ABCA6: variants seen among roughly 807,000 people sequenced by gnomAD.
The protein encoded by ABCA6 is ATP-binding cassette sub-family A member 6.
In ABCA6, 164 loss-of-function variants were observed where a neutral mutation model predicts 191.2. The ratio of observed to expected loss-of-function variants is 0.86; its 90% CI spans 0.76 to 0.98. ABCA6 has a LOEUF of 0.98. ABCA6 is among the 50% of genes least tolerant of loss of function. The probability of loss-of-function intolerance (pLI) is 0.00; values close to 1 mark genes in which losing one functional copy is unlikely to be tolerated. For synonymous variants in ABCA6, 636 were observed against 647.7 expected, an observed-to-expected ratio of 0.98 and a Z score of 0.27; for missense variants, 1,958 against 1,894.1, an observed-to-expected ratio of 1.03 and a Z score of -0.63.
At chr17:69,126,890 GA>G (rs2073764291) in intron 8 of ABCA6, among the ~76,000 whole-genome samples, 1 of 152,144 alleles carries the variant, frequency 6.6e-6, no homozygotes, top group East Asian at 1.9e-4. Context: ...AGACTCTATT[GA>G]AAAAGAGATT....
At chr17:69,135,999 T>A in intron 4 of ABCA6, 93 bp downstream of exon 4, 1 of 1,175,236 alleles carries the variant, frequency 8.5e-7, no homozygotes, top group Middle Eastern at 1.9e-4. Flanking sequence ...TTTTCTCATG[T>A]GTCATTGAAA....
Position 69,136,255 on chromosome 17 carries a change from G to T in ABCA6, c.302-5C>A, listed in dbSNP as rs1370639441. 2 of 1,513,870 alleles carry T rather than the reference G, an allele frequency of 1.3e-6. No homozygotes were observed. Among genetic ancestry groups the T allele is most frequent in the Admixed American group, 2.3e-5 (1 of 43,996 alleles). The allele number at this position is 1,513,870 out of a possible 1,614,324, so 93.8% of individuals were successfully genotyped here. ...GTGCCCCAATGACACTTGTTCCTGT[G>T]AATTACAAGGTAAAAATAGACATAG... On this transcript the variant is annotated splice_region_variant and splice_polypyrimidine_tract_variant and intron_variant, in intron 3 of 38. Transcript: ENST00000284425.
chr17:69,113,305 A>G lies in ABCA6; in HGVS notation c.1958T>C (p.Val653Ala), dbSNP rs200474902. Residue 653 changes from valine to alanine, a missense_variant, in exon 15 of 39, where the codon GTG (valine) becomes GCG (alanine). By Grantham distance (64) the Val-to-Ala change is moderately conservative (BLOSUM62 0). Coordinates refer to ENST00000284425, the MANE Select transcript of ABCA6 (RefSeq NM_080284.3). ...TGLDPFSRDQ[V>A]WSLLRERRAD... ...TCTACGCTCTCTCAGGAGGCTCCAC[A>G]CTTGATCTCTGGAAAAGGGATCCAA... is the stretch of plus-strand genomic sequence containing the variant. The G allele has an allele frequency of 6.3e-7, 1 of 1,597,450 alleles. No homozygotes were observed. The highest frequency in any genetic ancestry group is 8.5e-7 in the Non-Finnish European group (1 of 1,176,038).
At chr17:69,107,021 C>T (rs2073321605) in intron 18 of ABCA6, among the ~76,000 whole-genome samples, 1 of 152,110 alleles carries the variant, frequency 6.6e-6, no homozygotes, top group South Asian at 2.1e-4. Flanking sequence ...ATATCTACTA[C>T]TAAGGTATCA....
Position 69,133,754 on chromosome 17 carries a change from G to T in ABCA6, c.678C>A (p.Phe226Leu). The part of the protein sequence containing the change: ...NLLHNEMFIL[F>L]FLLHFSPLVY... ...CAAGTGGGGAGAAATGAAGCAAGAAGAATAAAATAAACATCTCATTGTGAA... is the reference window on the plus strand; with the variant it reads ...CAAGTGGGGAGAAATGAAGCAAGAATAATAAAATAAACATCTCATTGTGAA... The change falls in exon 6 of 39, where the codon TTC becomes TTA. Residue 226 changes from phenylalanine (F) to leucine (L), a missense_variant. Phe to Leu is a conservative substitution (Grantham distance 22). Transcript: ENST00000284425. The T allele has an allele frequency of 6.2e-7, 1 of 1,611,182 alleles. No individual in the cohort carries two copies. Among genetic ancestry groups the T allele is most frequent in the South Asian group, 1.1e-5 (1 of 90,874 alleles).
Position 69,132,683 on chromosome 17 carries a change from T to C in ABCA6, c.791+958A>G, listed in dbSNP as rs180756514. ...GTAGTAGAGATGGGGTTTCACCATG[T>C]TGGTCATGCTGGTCTCGAACTCCCG... is the stretch of plus-strand genomic sequence containing the variant. On this transcript the variant is annotated intron_variant, in intron 6 of 38. Transcript: ENST00000284425. 3.6e-4 allele frequency among the ~76,000 whole-genome samples: 55 copies of C among 152,290 alleles called. 1 individual carries two copies. The East Asian group carries it at 0.01, about 28-fold the overall frequency.
intron 12 of ABCA6, 54 bp from the exon 13 acceptor site, chr17:69,114,991 T>C (rs932542136): frequency 1.5e-5 from 19 of 1,304,260 alleles, no homozygotes; most frequent in Admixed American, 4.7e-5. Flanking sequence ...CTATTAATAT[T>C]CATAGATCTC....
intron 31 of ABCA6, 88 bp downstream of exon 31, chr17:69,085,537 A>T: frequency 5.0e-6 from 4 of 793,958 alleles, no homozygotes; most frequent in Non-Finnish European, 7.4e-6. Context: ...AAAAAAAAAG[A>T]AAAGAAAAAT....
intron 8 of ABCA6, among the ~76,000 whole-genome samples, chr17:69,125,346 T>C (rs964073098): frequency 2.0e-5 from 3 of 151,942 alleles, no homozygotes; most frequent in Non-Finnish European, 4.4e-5. Flanking sequence ...AAAGGAGATA[T>C]AAATTTTGGA....
intron 5 of ABCA6, 35 bp downstream of exon 5, chr17:69,134,604 C>T: frequency 6.7e-7 from 1 of 1,484,168 alleles, no homozygotes; most frequent in Non-Finnish European, 9.4e-7. Flanking sequence ...AAGTAGCTGA[C>T]ATTAATTAGT....
rs144163475 is a variant in ABCA6 at position 69,105,384 on chromosome 17, CT to C, written c.2740+77del. On this transcript the variant is annotated intron_variant, in intron 20 of 38. Transcript: ENST00000284425. ...ACCCATTTTCTTCTCTTATGATTCA[CT>C]TCCCCCCCCCACCTCCTGTGCTATT... is the stretch of plus-strand genomic sequence containing the variant. 1.6e-3 allele frequency: 2,195 copies of C among 1,361,430 alleles called. 36 individuals are homozygous for C. In the East Asian group the frequency reaches 0.051, roughly 32 times the overall value. The allele number at this position is 1,361,430 out of a possible 1,614,324, so 84.3% of individuals were successfully genotyped here. A position where few individuals can be genotyped will look rare whatever the true frequency, so the allele number is the denominator to read the frequency against.
At chr17:69,137,548 T>G (rs1233517032) in intron 2 of ABCA6, 48 bp from the exon 3 acceptor site, 1 of 1,547,786 alleles carries the variant, frequency 6.5e-7, no homozygotes, top group East Asian at 2.3e-5. Flanking sequence ...TTGCATTCAC[T>G]TAAAGATCTC....
chr17:69,095,527 T>C (rs1169430958), intron 25 of ABCA6: 1 of 152,194 alleles, frequency 6.6e-6, no homozygotes, highest in Non-Finnish European at 1.5e-5. Context: ...GCAAAAGTAA[T>C]TGCGGTTTTG....
chr17:69,141,730 T>C lies in ABCA6; in HGVS notation c.-46+15A>G, dbSNP rs891765626. The C allele has an allele frequency of 6.6e-6, 1 of 152,070 alleles. No homozygotes were observed. Among genetic ancestry groups the C allele is most frequent in the African/African-American group, 2.4e-5 (1 of 41,444 alleles). 9.4% of individuals were successfully genotyped at this position (152,070 alleles called of 1,614,324 possible). A position where few individuals can be genotyped will look rare whatever the true frequency, so the allele number is the denominator to read the frequency against. On this transcript the variant is annotated intron_variant, in intron 1 of 38. Transcript: ENST00000284425. ...ACATATTTGGCACAGCACAACAAAA[T>C]AGAGCTTTACTTACTGTCAGGAAAA...
chr17:69,091,012 C>A, intron 26 of ABCA6, 131 bp downstream of exon 26: 1 of 847,670 alleles, frequency 1.2e-6, no homozygotes, highest in South Asian at 2.1e-5. Flanking sequence ...TTTCATCATC[C>A]CCCCAAAATC....
intron 24 of ABCA6, 43 bp downstream of exon 24, chr17:69,096,585 T>G: frequency 2.3e-6 from 3 of 1,301,892 alleles, no homozygotes; most frequent in Non-Finnish European, 3.1e-6. Context: ...AAATTTATTA[T>G]TAATTACTTT....
intron 14 of ABCA6, 38 bp downstream of exon 14, chr17:69,113,580 T>C: frequency 3.1e-6 from 5 of 1,612,364 alleles, no homozygotes; most frequent in Non-Finnish European, 4.2e-6. Flanking sequence ...TTTGCAGACA[T>C]TCGACCTGCT....
chr17:69,129,648 C>G lies in ABCA6; in HGVS notation c.895G>C (p.Val299Leu). ...TQIIVMTGFM[V>L]IFILFFLYGL... ...TATAAAAAAAAGAGTATAAATATGA[C>G]CATGAAGCCAGTCATGACTATAATT... Residue 299 changes from valine to leucine, a missense_variant, in exon 7 of 39, where the codon GTC becomes CTC. Physicochemically the swap from Val to Leu is conservative, Grantham distance 32 (BLOSUM62 1). Transcript: ENST00000284425. 6.2e-7 allele frequency: 1 copy of G among 1,602,310 alleles called. No homozygotes were observed. The highest frequency in any genetic ancestry group is 8.5e-7 in the Non-Finnish European group (1 of 1,172,754).
intron 20 of ABCA6, chr17:69,104,497 G>GCCTGAAT (rs1260490174): frequency 4.0e-5 from 6 of 151,806 alleles, no homozygotes; most frequent in Non-Finnish European, 8.8e-5. Flanking sequence ...TACACCGCAG[G>GCCTGAAT]CCTGAATCGC....
Sources: allele counts gnomAD v4.1 joint callset (sites outside exome capture counted in the v4.1 genomes callset), GRCh38; gene constraint gnomAD v4.1.1; transcripts MANE v1.5; gene names NCBI Gene and HGNC (gene_info 2026-07-23, HGNC 2026-07-21).